RWDD4: variants seen among roughly 807,000 people sequenced by gnomAD.
RWDD4 encodes the protein RWD domain containing 4, also known as RWD domain-containing protein 4.
Under a neutral mutation model 30.0 loss-of-function variants are expected in RWDD4, and 16 were observed. The ratio of observed to expected loss-of-function variants is 0.53; its 90% CI spans 0.36 to 0.81. The LOEUF is 0.81. RWDD4 is among the 30% of genes least tolerant of loss of function. RWDD4 has a pLI of 0.00. For synonymous variants in RWDD4, 45 were observed against 72.1 expected (o/e 0.62, Z 1.90); for missense variants, 170 against 223.9 (o/e 0.76, Z 1.54).
At chr4:183,649,355 A>C in intron 5 of RWDD4, 96 bp downstream of exon 5, 1 of 722,492 alleles carries the variant, frequency 1.4e-6, no homozygotes, top group Admixed American at 2.3e-5. Flanking sequence ...TGGAGGCTGC[A>C]GTGAGCTGAG....
At chr4:183,655,822 A>T in intron 2 of RWDD4, 59 bp downstream of exon 2, 1 of 960,614 alleles carries the variant, frequency 1.0e-6, no homozygotes, top group Non-Finnish European at 1.6e-6. Flanking sequence ...AAGCATTTTT[A>T]GCCACTTTCA....
At chr4:183,642,777 G>A (rs1733884693) in intron 7 of RWDD4, among the ~76,000 whole-genome samples, 1 of 152,010 alleles carries the variant, frequency 6.6e-6, no homozygotes, top group South Asian at 2.1e-4. Flanking sequence ...AAAATGGGTT[G>A]GCTGGGCGCG....
At position 183,651,136 on chromosome 4, in the gene RWDD4, A is replaced by T; in HGVS notation, c.216-5T>A. The T allele has an allele frequency of 6.2e-7, 1 of 1,614,100 alleles. No homozygotes were observed. The highest frequency in any genetic ancestry group is 8.5e-7 in the Non-Finnish European group (1 of 1,180,004). On this transcript the variant is annotated splice_region_variant and splice_polypyrimidine_tract_variant and intron_variant, in intron 3 of 7. Transcript: ENST00000326397. ...CTCTGCTTTACAGCTGATGATCTAC[A>T]ATGCACAACAAAAATACCTTGCTGA...
chr4:183,647,371 T>C (rs1278040195), intron 5 of RWDD4, among the ~76,000 whole-genome samples: 2 of 152,316 alleles, frequency 1.3e-5, no homozygotes, highest in East Asian at 3.9e-4. Context: ...GCAATATTAC[T>C]GGAGCTCAAT....
chr4:183,644,777 C>CAAAA (rs1040745096), intron 7 of RWDD4, among the ~76,000 whole-genome samples: 27 of 123,362 alleles, frequency 2.2e-4, no homozygotes, highest in African/African-American at 8.7e-4. Flanking sequence ...GACTCGGCTT[C>CAAAA]AAAAAAAAAA....
intron 2 of RWDD4, among the ~76,000 whole-genome samples, chr4:183,655,348 C>T (rs1007922168): frequency 3.3e-5 from 5 of 151,506 alleles, no homozygotes; most frequent in Non-Finnish European, 5.9e-5. Context: ...GTGGCTTGAT[C>T]TCGGCTCACT....
intron 2 of RWDD4, 63 bp from the exon 3 acceptor site, chr4:183,651,390 A>G: frequency 8.4e-7 from 1 of 1,189,772 alleles, no homozygotes. Flanking sequence ...ACTAAATTAT[A>G]ATCTTCAAAA....
chr4:183,649,284 T>A (rs1016954885), intron 5 of RWDD4, among the ~76,000 whole-genome samples, 167 bp downstream of exon 5: 3 of 151,990 alleles, frequency 2.0e-5, no homozygotes, highest in African/African-American at 7.2e-5. Flanking sequence ...TGTGGTGGCA[T>A]GCGCCTATAA....
At chr4:183,652,158 C>A (rs535518993) in intron 2 of RWDD4, among the ~76,000 whole-genome samples, 3 of 152,106 alleles carry the variant, frequency 2.0e-5, no homozygotes, top group Non-Finnish European at 2.9e-5. Flanking sequence ...CATTATTACA[C>A]CCAAGAAATT....
chr4:183,650,764 C>G (rs902234349), intron 4 of RWDD4, among the ~76,000 whole-genome samples: 3 of 151,906 alleles, frequency 2.0e-5, no homozygotes, highest in Admixed American at 6.6e-5. Context: ...TATATATATT[C>G]TAGTCTTTGA....
Position 183,646,238 on chromosome 4 carries a change from A to T in RWDD4, c.534+113T>A, listed in dbSNP as rs73000794. On this transcript the variant is annotated intron_variant, in intron 7 of 7. Coordinates refer to ENST00000326397, the MANE Select transcript of RWDD4 (RefSeq NM_152682.4). The stretch of plus-strand genomic sequence containing the variant: ...TCTTAAGATGTGCTTACATAGTCAT[A>T]CTATATTGTAGTTTTAACTTCTGCA... 3.8e-3 allele frequency: 2,612 copies of T among 692,846 alleles called. 43 individuals carry two copies. In the African/African-American group the frequency reaches 0.04, roughly 11 times the overall value. 42.9% of individuals were successfully genotyped at this position (692,846 alleles called of 1,614,324 possible).
At chr4:183,646,467 T>C in intron 6 of RWDD4, 21 bp downstream of exon 6, 2 of 1,607,686 alleles carry the variant, frequency 1.2e-6, no homozygotes, top group South Asian at 2.3e-5. Flanking sequence ...GTTTAAAGAC[T>C]AGAATATAAA....
intron 2 of RWDD4, among the ~76,000 whole-genome samples, chr4:183,654,196 A>T (rs1734138696): frequency 6.6e-6 from 1 of 152,226 alleles, no homozygotes; most frequent in African/African-American, 2.4e-5. Flanking sequence ...AGACAGAAAC[A>T]AACAGAAGGA....
intron 1 of RWDD4, among the ~76,000 whole-genome samples, chr4:183,657,631 A>G (rs1320163500): frequency 1.3e-5 from 2 of 152,250 alleles, no homozygotes; most frequent in African/African-American, 2.4e-5. Flanking sequence ...AAATTTAACT[A>G]GACAAAACAG....
Position 183,651,324 on chromosome 4 carries a change from C to G in RWDD4, c.109G>C (p.Gly37Arg), listed in dbSNP as rs1339784119. 12 of 1,607,606 alleles carry G rather than the reference C, an allele frequency of 7.5e-6. No homozygotes were observed. The highest frequency in any genetic ancestry group is 1.0e-5 in the Non-Finnish European group (12 of 1,176,590). ...LSPVSFQYRI[G>R]ENGDPKAFLI... is the part of the protein sequence containing the mutation. ...AAGGCTTTGGGATCACCATTTTCAC[C>G]TATCTGAAGAGAAGGGGAAATCTTA... The change falls in exon 3 of 8, where the codon GGT becomes CGT. Residue 37 changes from glycine (G) to arginine (R), a missense_variant. Coordinates refer to ENST00000326397, the MANE Select transcript of RWDD4 (RefSeq NM_152682.4).
At chr4:183,644,615 T>C (rs1579123338) in intron 7 of RWDD4, among the ~76,000 whole-genome samples, 1 of 151,814 alleles carries the variant, frequency 6.6e-6, no homozygotes. Context: ...CCCATCTCTA[T>C]TAAAAATACA....
At chr4:183,657,992 A>C (rs1734242511) in intron 1 of RWDD4, among the ~76,000 whole-genome samples, 1 of 152,220 alleles carries the variant, frequency 6.6e-6, no homozygotes, top group Admixed American at 6.5e-5. Flanking sequence ...GAAACATTAC[A>C]CTGTATGTTC....
Position 183,649,446 on chromosome 4 carries a change from C to A in RWDD4, c.481+5G>T. On this transcript the variant is annotated splice_donor_5th_base_variant and intron_variant, in intron 5 of 7. Transcript: ENST00000326397. ...GAAAAGAAAAGAAAAGAAACACACA[C>A]AAACCTGTTTTGTCTGCCAGCTTAC... The A allele has an allele frequency of 6.4e-7, 1 of 1,567,474 alleles. No individual in the cohort carries two copies. The highest frequency in any genetic ancestry group is 8.7e-7 in the Non-Finnish European group (1 of 1,146,118).
At chr4:183,649,209 T>C (rs903290941) in intron 5 of RWDD4, among the ~76,000 whole-genome samples, 1 of 151,598 alleles carries the variant, frequency 6.6e-6, no homozygotes, top group African/African-American at 2.4e-5. Context: ...AGGTCAGGAG[T>C]TCGAGACCAG....
Sources: allele counts gnomAD v4.1 joint callset (sites outside exome capture counted in the v4.1 genomes callset), GRCh38; gene constraint gnomAD v4.1.1; transcripts MANE v1.5; gene names NCBI Gene and HGNC (gene_info 2026-07-23, HGNC 2026-07-21).